The following TTPA variants were observed in gnomAD, a reference collection of about 807,000 sequenced individuals.
TTPA encodes alpha-tocopherol transfer protein.
TTPA carries 23 observed loss-of-function variants against 25.9 expected under a neutral mutation model. The ratio of observed to expected loss-of-function variants is 0.89; its 90% CI spans 0.64 to 1.26. TTPA has a LOEUF of 1.26. Ranked by LOEUF, TTPA falls within the 50% of genes most tolerant of loss-of-function variation. The pLI is 0.00. For synonymous variants in TTPA, 148 were observed against 137.3 expected (o/e 1.08, Z -0.54); for missense variants, 337 against 353.1 (o/e 0.95, Z 0.37).
intron 1 of TTPA, among the ~76,000 whole-genome samples, chr8:63,076,369 G>C (rs565149730): frequency 1.3e-5 from 2 of 148,956 alleles, no homozygotes; most frequent in Non-Finnish European, 2.9e-5. Flanking sequence ...AAAAACTATA[G>C]GGCTTCTATA....
At chr8:63,076,437 AG>A (rs1805563370) in intron 1 of TTPA, among the ~76,000 whole-genome samples, 1 of 152,200 alleles carries the variant, frequency 6.6e-6, no homozygotes, top group South Asian at 2.1e-4. Context: ...AATGAAAAAA[AG>A]TTTTGCACTC....
At chr8:63,085,730 C>T in intron 1 of TTPA, 88 bp downstream of exon 1, 1 of 1,452,300 alleles carries the variant, frequency 6.9e-7, no homozygotes, top group African/African-American at 1.5e-5. Flanking sequence ...CCCTGGGCTT[C>T]GGCAGGGGTC....
rs1208874462 is a variant in TTPA, at chr8:63,060,825, A to G, written c.*427T>C. ...ATTTAATCTGACATCCACTTAAAACAAGTGTTAATTTTTTTATCATTAGCT... is the reference window on the plus strand; with the variant it reads ...ATTTAATCTGACATCCACTTAAAACGAGTGTTAATTTTTTTATCATTAGCT... On this transcript the variant is annotated 3_prime_UTR_variant, in exon 5 of 5. Transcript: ENST00000260116. 1.2e-5 allele frequency: 2 copies of G among 166,282 alleles called. No individual in the cohort carries two copies. The highest frequency in any genetic ancestry group is 4.8e-5 in the African/African-American group (2 of 41,528). The allele number at this position is 166,282 out of a possible 1,614,324, so 10.3% of individuals were successfully genotyped here.
chr8:63,070,263 T>C (rs7846558), intron 2 of TTPA, among the ~76,000 whole-genome samples: 1 of 152,212 alleles, frequency 6.6e-6, no homozygotes, highest in Non-Finnish European at 1.5e-5. Context: ...AATTATATCC[T>C]ACAGCATGTT....
chr8:63,082,060 T>C (rs1321844365), intron 1 of TTPA, among the ~76,000 whole-genome samples: 4 of 152,124 alleles, frequency 2.6e-5, no homozygotes, highest in Non-Finnish European at 5.9e-5. Flanking sequence ...AAAATGGCCA[T>C]ACTGCCCAAG....
chr8:63,073,673 T>G (rs531461891), intron 1 of TTPA, among the ~76,000 whole-genome samples: 58 of 152,348 alleles, frequency 3.8e-4, no homozygotes, highest in Non-Finnish European at 7.6e-4. Flanking sequence ...CACTGAGCCC[T>G]GCCCAAACTG....
At chr8:63,058,716 C>CA (rs11291797), downstream of TTPA, among the ~76,000 whole-genome samples, 1 of 151,802 alleles carries the variant, frequency 6.6e-6, no homozygotes, top group Non-Finnish European at 1.5e-5. Flanking sequence ...AACCTATCAC[C>CA]AAAAAAATCT....
chr8:63,076,662 A>G (rs1585693299), intron 1 of TTPA, among the ~76,000 whole-genome samples: 1 of 152,282 alleles, frequency 6.6e-6, no homozygotes, highest in South Asian at 2.1e-4. Context: ...CTATTTAAAC[A>G]TTACTTTTTT....
chr8:63,083,855 G>A (rs1244555136), intron 1 of TTPA, among the ~76,000 whole-genome samples: 1 of 151,506 alleles, frequency 6.6e-6, no homozygotes, highest in African/African-American at 2.4e-5. Flanking sequence ...TGTAATATCA[G>A]AGTGATGAGT....
intron 1 of TTPA, among the ~76,000 whole-genome samples, chr8:63,077,741 A>G (rs771682773): frequency 2.6e-5 from 4 of 152,208 alleles, no homozygotes; most frequent in Non-Finnish European, 5.9e-5. Context: ...GGCATAGCTG[A>G]ACAAAAGGCA....
In TTPA at chr8:63,060,595, G is replaced by A. The variant is rs1441491761; in HGVS notation, c.*657C>T. 1 of 151,992 alleles carries A rather than the reference G, an allele frequency of 6.6e-6. No homozygotes were observed. Among genetic ancestry groups the A allele is most frequent in the Non-Finnish European group, 1.5e-5 (1 of 68,184 alleles). The allele number at this position is 151,992 out of a possible 1,614,324, so 9.4% of individuals were successfully genotyped here. On this transcript the variant is annotated 3_prime_UTR_variant, in exon 5 of 5. Transcript: ENST00000260116. Reference sequence around the variant, plus strand: ...TAGCCAGGAGTGGTGGTGTGCACATGTAATCCTAGCAGAGGTTGCAGTGAG... The same window carrying A: ...TAGCCAGGAGTGGTGGTGTGCACATATAATCCTAGCAGAGGTTGCAGTGAG...
Position 63,061,289 on chromosome 8 carries a change from T to C in TTPA, c.800A>G (p.Glu267Gly). 6.2e-7 allele frequency: 1 copy of C among 1,613,872 alleles called. No homozygotes were observed. Among genetic ancestry groups the C allele is most frequent in the African/African-American group, 1.3e-5 (1 of 75,052 alleles). The stretch of plus-strand genomic sequence containing the variant: ...CTCAGAAATGCTGCTGAGATAATCT[T>C]CAGACTTCATTATAAAATTTGTCCA... ...QEWTNFIMKS[E>G]DYLSSISESI... Residue 267 changes from glutamate to glycine, a missense_variant, in exon 5 of 5, where the codon GAA (glutamate) becomes GGA (glycine). By Grantham distance (98) the Glu-to-Gly change is moderately conservative. Coordinates refer to ENST00000260116, the MANE Select transcript of TTPA (RefSeq NM_000370.3).
chr8:63,066,098 C>A lies in TTPA; in HGVS notation c.359-1G>T, dbSNP rs763622589. 1.4e-6 allele frequency: 2 copies of A among 1,461,664 alleles called. No individual in the cohort carries two copies. The highest frequency in any genetic ancestry group is 1.8e-6 in the Non-Finnish European group (2 of 1,111,744). The allele number at this position is 1,461,664 out of a possible 1,614,324, so 90.5% of individuals were successfully genotyped here. On this transcript the variant is annotated splice_acceptor_variant, in intron 2 of 4. Coordinates refer to ENST00000260116, the MANE Select transcript of TTPA (RefSeq NM_000370.3). LOFTEE classifies it high-confidence loss of function. The stretch of plus-strand genomic sequence containing the variant: ...GTAAAAACTTTGGGGTCCCAGTGTG[C>A]TAAAAAAAATAAAGCATATCATATC...
Position 63,085,853 on chromosome 8 carries a change from G to T in TTPA, c.169C>A (p.Arg57Ser). ...AGGTCCAGATCGAAATCCCGGGCGC[G>T]CAGGAACCGCAGCAGGAAGGAGTCG... is the stretch of plus-strand genomic sequence containing the variant. ...LTDSFLLRFLRARDFDLDLAW... is the reference protein window; with the variant it reads ...LTDSFLLRFLSARDFDLDLAW... Residue 57 changes from arginine to serine, a missense_variant, in exon 1 of 5, where the codon CGC becomes AGC. Physicochemically the swap from Arg to Ser is moderately radical, Grantham distance 110 (BLOSUM62 -1). Coordinates refer to ENST00000260116, the MANE Select transcript of TTPA (RefSeq NM_000370.3). 6.5e-7 allele frequency: 1 copy of T among 1,536,276 alleles called. No individual in the cohort carries two copies. The highest frequency in any genetic ancestry group is 2.5e-5 in the East Asian group (1 of 40,678).
chr8:63,079,632 T>G (rs1805628827), intron 1 of TTPA, among the ~76,000 whole-genome samples: 1 of 152,182 alleles, frequency 6.6e-6, no homozygotes, highest in Non-Finnish European at 1.5e-5. Context: ...CTAACTATCC[T>G]AAATACACCC....
rs2129762699 is a variant in TTPA at position 63,072,994 on chromosome 8, T to C, written c.299A>G (p.Tyr100Cys). Residue 100 changes from tyrosine (Y) to cysteine (C), a missense_variant, in exon 2 of 5, where the codon TAC becomes TGC. Tyr to Cys is a radical substitution (Grantham distance 194). Transcript: ENST00000260116. ...ATCCCTGGATCTCAGGACTCCATGG[T>C]AGCCAGCCTTTAGGAGGCCAATAAT... is the stretch of plus-strand genomic sequence containing the variant. ...RSIIGLLKAG[Y>C]HGVLRSRDPT... is the part of the protein sequence containing the mutation. The C allele has an allele frequency of 1.2e-6, 2 of 1,614,108 alleles. No individual in the cohort carries two copies. The highest frequency in any genetic ancestry group is 1.7e-6 in the Non-Finnish European group (2 of 1,179,998).
chr8:63,080,582 C>G (rs891242795), intron 1 of TTPA, among the ~76,000 whole-genome samples: 1 of 151,558 alleles, frequency 6.6e-6, no homozygotes, highest in Non-Finnish European at 1.5e-5. Context: ...ATTAGCTGGG[C>G]GTGGTGGCGG....
At chr8:63,063,468 G>T (rs1805341066) in intron 4 of TTPA, among the ~76,000 whole-genome samples, 1 of 151,688 alleles carries the variant, frequency 6.6e-6, no homozygotes, top group Non-Finnish European at 1.5e-5. Flanking sequence ...CCGTTAAGTA[G>T]GCTTCACTGT....
In TTPA at chr8:63,061,310, G is replaced by T; in HGVS notation, c.779C>A (p.Thr260Lys). Residue 260 changes from threonine (T) to lysine (K), a missense_variant, in exon 5 of 5, where the codon ACA (threonine) becomes AAA (lysine). Physicochemically the swap from Thr to Lys is moderately conservative, Grantham distance 78. Coordinates refer to ENST00000260116, the MANE Select transcript of TTPA (RefSeq NM_000370.3). ...ATCTTCAGACTTCATTATAAAATTT[G>T]TCCATTCCTGACAAATGTCCTCCAT... ...FSMEDICQEW[T>K]NFIMKSEDYL... The T allele has an allele frequency of 6.2e-7, 1 of 1,613,832 alleles. No individual in the cohort carries two copies.
Sources: allele counts gnomAD v4.1 joint callset (sites outside exome capture counted in the v4.1 genomes callset), GRCh38; gene constraint gnomAD v4.1.1; transcripts MANE v1.5; gene names NCBI Gene and HGNC (gene_info 2026-07-23, HGNC 2026-07-21).